The following MRTFA variants were observed in gnomAD, a reference collection of about 807,000 sequenced individuals.
MRTFA encodes myocardin-related transcription factor A.
Under a neutral mutation model 83.5 loss-of-function variants are expected in MRTFA, and 20 were observed. That is an observed-to-expected ratio of 0.24 (90% CI 0.17 to 0.35). The LOEUF is 0.35. MRTFA is among the 10% of genes least tolerant of loss of function. The pLI is 1.00. For missense variants in MRTFA, 1,200 were observed against 1,224.7 expected (o/e 0.98, Z 0.30); for synonymous variants, 659 against 541.2 (o/e 1.22, Z -3.02).
intron 3 of MRTFA, among the ~76,000 whole-genome samples, chr22:40,537,145 C>T (rs1602401160): frequency 2.2e-5 from 1 of 45,070 alleles, no homozygotes; most frequent in Non-Finnish European, 4.5e-5. Context: ...CCAGCCGCCA[C>T]GTCCGGGAGG....
At chr22:40,473,534 C>T (rs578126568) in intron 3 of MRTFA, among the ~76,000 whole-genome samples, 1 of 152,264 alleles carries the variant, frequency 6.6e-6, no homozygotes, top group South Asian at 2.1e-4. Flanking sequence ...ATTCCTAAAG[C>T]TTGATCTGCT....
intron 3 of MRTFA, among the ~76,000 whole-genome samples, chr22:40,498,252 C>CATATATAT (rs200779719): frequency 1.1e-3 from 82 of 77,540 alleles, no homozygotes; most frequent in African/African-American, 4.0e-3. Flanking sequence ...GTACACACTT[C>CATATATAT]ATATATATAT....
chr22:40,424,756 A>G (rs1199303833), intron 7 of MRTFA, among the ~76,000 whole-genome samples: 3 of 152,074 alleles, frequency 2.0e-5, no homozygotes, highest in African/African-American at 7.2e-5. Flanking sequence ...CCGTCTCCCT[A>G]TTGTTAAAGG....
At position 40,636,516 on chromosome 22, in the gene MRTFA, C is replaced by T. The variant is rs1417660469; in HGVS notation, c.-122G>A. 2.0e-5 allele frequency: 3 copies of T among 152,434 alleles called. No individual in the cohort carries two copies. Among genetic ancestry groups the T allele is most frequent in the Non-Finnish European group, 1.5e-5 (1 of 68,212 alleles). 9.4% of individuals were successfully genotyped at this position (152,434 alleles called of 1,614,324 possible). On this transcript the variant is annotated 5_prime_UTR_variant, in exon 1 of 15. Coordinates refer to ENST00000355630, the MANE Select transcript of MRTFA (RefSeq NM_020831.6). Reference sequence around the variant, plus strand: ...TCCCGGCCGGGTTCCGCGGCTCGCCCCACTCCGGCTCTAGCCGCCCGCGTC... The same window carrying T: ...TCCCGGCCGGGTTCCGCGGCTCGCCTCACTCCGGCTCTAGCCGCCCGCGTC...
intron 3 of MRTFA, among the ~76,000 whole-genome samples, chr22:40,478,826 G>A (rs890635414): frequency 6.6e-6 from 1 of 152,096 alleles, no homozygotes; most frequent in Non-Finnish European, 1.5e-5. Flanking sequence ...AACCACACAT[G>A]GACACACCTT....
chr22:40,450,859 G>A (rs1434176738), intron 4 of MRTFA, among the ~76,000 whole-genome samples: 1 of 152,166 alleles, frequency 6.6e-6, no homozygotes, highest in African/African-American at 2.4e-5. Context: ...TATAAACTGT[G>A]ACTTTCAGGA....
At chr22:40,623,484 G>A (rs558108598) in intron 1 of MRTFA, among the ~76,000 whole-genome samples, 6 of 125,742 alleles carry the variant, frequency 4.8e-5, no homozygotes, top group Admixed American at 7.8e-5. Flanking sequence ...CCCCAACCCC[G>A]ATACTGTCCT....
At chr22:40,601,960 G>A (rs977787286) in intron 1 of MRTFA, among the ~76,000 whole-genome samples, 17 of 152,184 alleles carry the variant, frequency 1.1e-4, no homozygotes, top group Non-Finnish European at 2.1e-4. Flanking sequence ...CATCCTGATA[G>A]CAACTGGAAC....
At chr22:40,487,780 A>G (rs2054196870) in intron 3 of MRTFA, among the ~76,000 whole-genome samples, 1 of 152,218 alleles carries the variant, frequency 6.6e-6, no homozygotes, top group Non-Finnish European at 1.5e-5. Flanking sequence ...AAACTGAATT[A>G]GGACAGAGTG....
chr22:40,518,594 T>A (rs555587533), intron 3 of MRTFA, among the ~76,000 whole-genome samples: 1 of 151,408 alleles, frequency 6.6e-6, no homozygotes, highest in African/African-American at 2.4e-5. Context: ...AAGATCGAGA[T>A]CATCCTGGCT....
chr22:40,417,041 A>G lies in MRTFA; in HGVS notation c.2523T>C (p.Asn841=). ...CGTCCATCTGCTGGCTTGAGGAACCATTTTCCTGTGGGACAAAGGAAAAAA... is the reference window on the plus strand; with the variant it reads ...CGTCCATCTGCTGGCTTGAGGAACCGTTTTCCTGTGGGACAAAGGAAAAAA... The change falls in exon 14 of 15, where the codon AAT becomes AAC. Residue 841 remains asparagine (N), a synonymous_variant. Transcript: ENST00000355630. 6.3e-7 allele frequency: 1 copy of G among 1,591,838 alleles called. No individual in the cohort carries two copies. The highest frequency in any genetic ancestry group is 8.6e-7 in the Non-Finnish European group (1 of 1,169,410).
Position 40,471,883 on chromosome 22 carries a change from A to C in MRTFA, c.242-8597T>G, listed in dbSNP as rs139486298. 3.5e-3 allele frequency among the ~76,000 whole-genome samples: 538 copies of C among 152,328 alleles called. 2 individuals carry two copies. Among genetic ancestry groups the C allele is most frequent in the African/African-American group, 0.012 (514 of 41,566 alleles). ...CAAAACCATCTCAAAAAAATAAATT[A>C]AAAATTAAAAAGAATACCAATCATT... On this transcript the variant is annotated intron_variant, in intron 3 of 14. Coordinates refer to ENST00000355630, the MANE Select transcript of MRTFA (RefSeq NM_020831.6).
At chr22:40,427,565 CA>C (rs1343976742) in intron 7 of MRTFA, among the ~76,000 whole-genome samples, 1 of 152,120 alleles carries the variant, frequency 6.6e-6, no homozygotes, top group Non-Finnish European at 1.5e-5. Context: ...ATCTTGGGCC[CA>C]CTGCAGCGAA....
At chr22:40,522,362 C>T (rs183402842) in intron 3 of MRTFA, 1 of 152,348 alleles carries the variant, frequency 6.6e-6, no homozygotes, top group African/African-American at 2.4e-5. Flanking sequence ...GCAAGCTCCA[C>T]CAGTTTGTAG....
intron 4 of MRTFA, among the ~76,000 whole-genome samples, chr22:40,457,825 A>T (rs2053624492): frequency 6.6e-6 from 1 of 152,246 alleles, no homozygotes; most frequent in Non-Finnish European, 1.5e-5. Flanking sequence ...TAAAAGACTG[A>T]CAAGAGACAA....
intron 2 of MRTFA, among the ~76,000 whole-genome samples, chr22:40,573,882 AAAT>A (rs1463341067): frequency 6.6e-6 from 1 of 152,108 alleles, no homozygotes; most frequent in African/African-American, 2.4e-5. Flanking sequence ...ACCTATTTAA[AAAT>A]AATAATATTT....
At chr22:40,610,043 C>CTTTTTTTTTTT (rs966206904) in intron 1 of MRTFA, among the ~76,000 whole-genome samples, 12 of 124,602 alleles carry the variant, frequency 9.6e-5, no homozygotes, top group East Asian at 2.3e-4. Context: ...TTTTTTTTCT[C>CTTTTTTTTTTT]TTTTTTTTTT....
intron 14 of MRTFA, chr22:40,414,937 C>CCA (rs1421646514): frequency 6.6e-6 from 1 of 152,144 alleles, no homozygotes; most frequent in East Asian, 1.9e-4. Context: ...GGTTCTGGCC[C>CCA]CCCCTGTCCT....
intron 3 of MRTFA, among the ~76,000 whole-genome samples, chr22:40,505,007 G>A (rs2054557640): frequency 6.6e-6 from 1 of 152,144 alleles, no homozygotes; most frequent in South Asian, 2.1e-4. Flanking sequence ...AGCTCTTTGA[G>A]GAAAAGGATT....
Sources: allele counts gnomAD v4.1 joint callset (sites outside exome capture counted in the v4.1 genomes callset), GRCh38; gene constraint gnomAD v4.1.1; transcripts MANE v1.5; gene names NCBI Gene and HGNC (gene_info 2026-07-23, HGNC 2026-07-21).